GLIPR1: variants seen among roughly 807,000 people sequenced by gnomAD.
GLIPR1 encodes the protein GLI pathogenesis related 1, also known as glioma pathogenesis-related protein 1.
Under a neutral mutation model 30.3 loss-of-function variants are expected in GLIPR1, and 38 were observed. The observed-to-expected ratio is 1.26, with a 90% confidence interval of 0.97 to 1.65. The LOEUF (loss-of-function observed/expected upper bound fraction) is 1.65, where lower values mean the gene tolerates loss of function less well. Ranked by LOEUF, GLIPR1 falls within the 40% of genes most tolerant of loss-of-function variation. The pLI is 0.00. For synonymous variants in GLIPR1, 122 were observed against 110.6 expected (o/e 1.10, Z -0.65); for missense variants, 285 against 326.5 (o/e 0.87, Z 0.98).
At position 75,481,856 on chromosome 12, in the gene GLIPR1, A is replaced by G. The variant is rs1408420356; in HGVS notation, c.197A>G (p.Gln66Arg). 2.5e-6 allele frequency: 4 copies of G among 1,614,024 alleles called. No homozygotes were observed. In the African/African-American group the frequency reaches 4.0e-5, roughly 16 times the overall value. The change falls in exon 2 of 6, where the codon CAA (glutamine) becomes CGA (arginine). Residue 66 changes from glutamine (Q) to arginine (R), a missense_variant. Physicochemically the swap from Gln to Arg is conservative, Grantham distance 43. Transcript: ENST00000266659. Reference protein sequence around the residue: ...LYMTWDPALAQIAKAWASNCQ... With the variant: ...LYMTWDPALARIAKAWASNCQ... Reference sequence around the variant, plus strand: ...CAGACTTGGGACCCAGCACTAGCCCAAATTGCAAAAGCATGGGCCAGCAAT... The same window carrying G: ...CAGACTTGGGACCCAGCACTAGCCCGAATTGCAAAAGCATGGGCCAGCAAT...
chr12:75,482,066 G>C lies in GLIPR1; in HGVS notation c.407G>C (p.Gly136Ala). ...FKTRICKKVC[G>A]HYTQVVWADS... is the part of the protein sequence containing the mutation. ...ACTCGGATATGCAAAAAAGTCTGTG[G>C]CCACTACACTCAGGTAAGGATCTGC... Residue 136 changes from glycine to alanine, a missense_variant, in exon 2 of 6, where the codon GGC becomes GCC. Physicochemically the swap from Gly to Ala is moderately conservative, Grantham distance 60 (BLOSUM62 0). Coordinates refer to ENST00000266659, the MANE Select transcript of GLIPR1 (RefSeq NM_006851.3). 1 of 1,613,630 alleles carries C rather than the reference G, an allele frequency of 6.2e-7. No individual in the cohort carries two copies. Among genetic ancestry groups the C allele is most frequent in the Non-Finnish European group, 8.5e-7 (1 of 1,179,620 alleles).
At position 75,503,761 on chromosome 12, in the gene GLIPR1, C is replaced by A. The variant is rs2120611972; in HGVS notation, c.*4783C>A. ...CTCAAAATATGCCTATTTATATTTA[C>A]CCTCAGTTTCTTATAGCTCTGCACA... On this transcript the variant is annotated 3_prime_UTR_variant, in exon 6 of 6. Coordinates refer to ENST00000266659, the MANE Select transcript of GLIPR1 (RefSeq NM_006851.3). 1 of 677,858 alleles carries A rather than the reference C, an allele frequency of 1.5e-6. No individual in the cohort carries two copies. The highest frequency in any genetic ancestry group is 2.7e-5 in the East Asian group (1 of 36,424). 42.0% of individuals were successfully genotyped at this position (677,858 alleles called of 1,614,324 possible).
At chr12:75,488,355 T>C (rs1400252166) in intron 2 of GLIPR1, among the ~76,000 whole-genome samples, 1 of 152,022 alleles carries the variant, frequency 6.6e-6, no homozygotes, top group East Asian at 1.9e-4. Flanking sequence ...CTGACCAACA[T>C]AGTGAAACCC....
chr12:75,503,840 AGT>A lies in GLIPR1; in HGVS notation c.*4863_*4864del. 1 of 1,412,256 alleles carries A rather than the reference AGT, an allele frequency of 7.1e-7. No individual in the cohort carries two copies. The highest frequency in any genetic ancestry group is 9.7e-7 in the Non-Finnish European group (1 of 1,034,270). The allele number at this position is 1,412,256 out of a possible 1,614,324, so 87.5% of individuals were successfully genotyped here. A position where few individuals can be genotyped will look rare whatever the true frequency, so the allele number is the denominator to read the frequency against. On this transcript the variant is annotated 3_prime_UTR_variant, in exon 6 of 6. Coordinates refer to ENST00000266659, the MANE Select transcript of GLIPR1 (RefSeq NM_006851.3). ...ATCCCACCTGAAATACTTTCAATAA[AGT>A]TTCTGACCAAATACATTAAAATAGA...
At position 75,499,057 on chromosome 12, in the gene GLIPR1, T is replaced by C. The variant is rs968175015; in HGVS notation, c.*79T>C. On this transcript the variant is annotated 3_prime_UTR_variant, in exon 6 of 6. Transcript: ENST00000266659. ...TTTTTTAACCAATAACAATTAGGTGTACTTCTATTTTAAAACATTTCAGAA... is the reference window on the plus strand; with the variant it reads ...TTTTTTAACCAATAACAATTAGGTGCACTTCTATTTTAAAACATTTCAGAA... The C allele has an allele frequency of 1.4e-5, 12 of 865,462 alleles. No homozygotes were observed. The highest frequency in any genetic ancestry group is 1.9e-5 in the Non-Finnish European group (11 of 578,132). 53.6% of individuals were successfully genotyped at this position (865,462 alleles called of 1,614,324 possible).
At chr12:75,490,236 CCAAT>C (rs2046314268) in intron 2 of GLIPR1, among the ~76,000 whole-genome samples, 166 bp from the exon 3 acceptor site, 1 of 148,480 alleles carries the variant, frequency 6.7e-6, no homozygotes, top group Non-Finnish European at 1.5e-5. Flanking sequence ...CACACACACC[CCAAT>C]AATGGTAACT....
intron 3 of GLIPR1, chr12:75,490,722 GAGA>G (rs1452312540): frequency 2.0e-5 from 10 of 498,288 alleles, no homozygotes; most frequent in Non-Finnish European, 3.2e-5. Context: ...CTTGGAGAGA[GAGA>G]GGGTGTGTGT....
chr12:75,484,747 A>G (rs1263695982), intron 2 of GLIPR1: 3 of 152,396 alleles, frequency 2.0e-5, no homozygotes, highest in African/African-American at 7.2e-5. Context: ...GAGCCAGGAG[A>G]AGGAATTTCA....
intron 2 of GLIPR1, among the ~76,000 whole-genome samples, chr12:75,486,870 C>T (rs192022275): frequency 6.6e-5 from 10 of 152,224 alleles, no homozygotes; most frequent in African/African-American, 2.2e-4. Flanking sequence ...TATTCTATAT[C>T]TTGAATGTGG....
At position 75,497,078 on chromosome 12, in the gene GLIPR1, G is replaced by C. The variant is rs558476684; in HGVS notation, c.619+1416G>C. 2.0e-5 allele frequency: 3 copies of C among 152,192 alleles called. No homozygotes were observed. The South Asian group carries it at 6.2e-4, about 32-fold the overall frequency. 9.4% of individuals were successfully genotyped at this position (152,192 alleles called of 1,614,324 possible). On this transcript the variant is annotated intron_variant, in intron 4 of 5. Transcript: ENST00000266659. ...CTTCCAAATTAACCAGTATACATAA[G>C]GGCTAAAACTATGGATTTCAGAACC...
intron 4 of GLIPR1, chr12:75,496,527 A>G (rs938206329): frequency 1.8e-4 from 27 of 151,978 alleles, no homozygotes; most frequent in African/African-American, 6.3e-4. Context: ...CCAAGAGTTT[A>G]TTTCTTGTTC....
Position 75,499,088 on chromosome 12 carries a change from T to A in GLIPR1, c.*110T>A, listed in dbSNP as rs1045898318. ...TATTTTAAAACATTTCAGAAAAAAATATATGTTATAGCAATACTCTTACTC... is the reference window on the plus strand; with the variant it reads ...TATTTTAAAACATTTCAGAAAAAAAAATATGTTATAGCAATACTCTTACTC... On this transcript the variant is annotated 3_prime_UTR_variant, in exon 6 of 6. Transcript: ENST00000266659. The A allele has an allele frequency of 8.6e-5, 54 of 630,812 alleles. No individual in the cohort carries two copies. The East Asian group carries it at 1.6e-3, about 18-fold the overall frequency. The allele number at this position is 630,812 out of a possible 1,614,324, so 39.1% of individuals were successfully genotyped here. A position where few individuals can be genotyped will look rare whatever the true frequency, so the allele number is the denominator to read the frequency against.
chr12:75,500,208 T>C lies in GLIPR1; in HGVS notation c.*1230T>C, dbSNP rs923086713. On this transcript the variant is annotated 3_prime_UTR_variant, in exon 6 of 6. Transcript: ENST00000266659. ...CAAGTATACATAAAAATGGCATAAA[T>C]GGCATAATTGAACCAATTACTGGAT... 2 of 236,174 alleles carry C rather than the reference T, an allele frequency of 8.5e-6. No homozygotes were observed. The highest frequency in any genetic ancestry group is 1.6e-5 in the Non-Finnish European group (2 of 124,566). The allele number at this position is 236,174 out of a possible 1,614,324, so 14.6% of individuals were successfully genotyped here.
chr12:75,481,258 T>C (rs966714501), intron 1 of GLIPR1: 16 of 407,714 alleles, frequency 3.9e-5, no homozygotes, highest in Non-Finnish European at 4.8e-5. Flanking sequence ...CCACAGCACA[T>C]TTTACTTCTC....
In GLIPR1 at chr12:75,494,552, A is replaced by G. The variant is rs576050612; in HGVS notation, c.534-1025A>G. ...CACAAATCTTGTTTTAAACATTTTG[A>G]TAACTATTTCAATTTAATTGGTTTC... On this transcript the variant is annotated intron_variant, in intron 3 of 5. Transcript: ENST00000266659. 188 of 152,332 alleles carry G rather than the reference A, an allele frequency of 1.2e-3. 1 individual carries two copies. The highest frequency in any genetic ancestry group is 4.2e-3 in the African/African-American group (176 of 41,576). 9.4% of individuals were successfully genotyped at this position (152,332 alleles called of 1,614,324 possible).
In GLIPR1 at chr12:75,500,037, T is replaced by G; in HGVS notation, c.*1059T>G. On this transcript the variant is annotated 3_prime_UTR_variant, in exon 6 of 6. Transcript: ENST00000266659. ...ATATATGTTTAACAAAGAATATATGTTTAAGGCAGTTAACTTCAGAGTATT... is the reference window on the plus strand; with the variant it reads ...ATATATGTTTAACAAAGAATATATGGTTAAGGCAGTTAACTTCAGAGTATT... The G allele has an allele frequency of 9.8e-7, 1 of 1,021,534 alleles. No homozygotes were observed. The highest frequency in any genetic ancestry group is 1.7e-5 in the African/African-American group (1 of 59,128). 63.3% of individuals were successfully genotyped at this position (1,021,534 alleles called of 1,614,324 possible).
intron 2 of GLIPR1, among the ~76,000 whole-genome samples, chr12:75,485,429 T>C (rs1019417797): frequency 6.6e-6 from 1 of 152,166 alleles, no homozygotes; most frequent in Non-Finnish European, 1.5e-5. Context: ...GGGTAGAGGA[T>C]TACTTGGATT....
At chr12:75,497,398 T>G (rs2046357780) in intron 4 of GLIPR1, 1 of 152,220 alleles carries the variant, frequency 6.6e-6, no homozygotes, top group South Asian at 2.1e-4. Flanking sequence ...TGCTAACTTG[T>G]ATTTATAAGA....
Position 75,480,770 on chromosome 12 carries a change from TG to T in GLIPR1, c.-110del. ...ATGCTCTGTTCTGTTTTCTCAAAGC[TG>T]AAGTCGGCTAGGTTTGCAAAGCTGT... On this transcript the variant is annotated 5_prime_UTR_variant, in exon 1 of 6. Coordinates refer to ENST00000266659, the MANE Select transcript of GLIPR1 (RefSeq NM_006851.3). The T allele has an allele frequency of 2.8e-6, 2 of 715,088 alleles. No individual in the cohort carries two copies. The highest frequency in any genetic ancestry group is 4.0e-5 in the South Asian group (2 of 50,454). 44.3% of individuals were successfully genotyped at this position (715,088 alleles called of 1,614,324 possible).
Sources: allele counts gnomAD v4.1 joint callset (sites outside exome capture counted in the v4.1 genomes callset), GRCh38; gene constraint gnomAD v4.1.1; transcripts MANE v1.5; gene names NCBI Gene and HGNC (gene_info 2026-07-23, HGNC 2026-07-21).